The following SIPA1L2 variants were observed in gnomAD, a reference collection of about 807,000 sequenced individuals.
The protein encoded by SIPA1L2 is signal-induced proliferation-associated 1-like protein 2.
A neutral mutation model predicts 163.9 loss-of-function variants in SIPA1L2; 56 were observed. The observed-to-expected ratio is 0.34, with a 90% CI of 0.28 to 0.43. The LOEUF (loss-of-function observed/expected upper bound fraction) is 0.43. Among genes scored for constraint, SIPA1L2 ranks in the 20% least tolerant of loss-of-function variants. The pLI is 1.00. For missense variants in SIPA1L2, 1,974 were observed against 2,193.5 expected (o/e 0.90, Z 2.00); for synonymous variants, 877 against 865.7 (o/e 1.01, Z -0.23).
chr1:232,530,271 G>A (rs765210644), intron 2 of SIPA1L2, among the ~76,000 whole-genome samples: 2 of 151,900 alleles, frequency 1.3e-5, no homozygotes, highest in South Asian at 4.2e-4. Flanking sequence ...ACACCACCAC[G>A]CCCGGCTAAT....
intron 16 of SIPA1L2, 79 bp from the exon 17 acceptor site, chr1:232,428,643 G>T: frequency 1.7e-6 from 2 of 1,149,840 alleles, no homozygotes; most frequent in Non-Finnish European, 1.2e-6. Context: ...CTAGGAAGCA[G>T]TTTCAACAGC....
intron 10 of SIPA1L2, among the ~76,000 whole-genome samples, 184 bp from the exon 11 acceptor site, chr1:232,445,970 T>C (rs1663193811): frequency 6.6e-6 from 1 of 152,176 alleles, no homozygotes; most frequent in South Asian, 2.1e-4. Flanking sequence ...ATTCCCACAC[T>C]ATTCAATTCC....
chr1:232,549,820 GT>G (rs1276854867), intron 2 of SIPA1L2, among the ~76,000 whole-genome samples: 1 of 152,102 alleles, frequency 6.6e-6, no homozygotes, highest in African/African-American at 2.4e-5. Context: ...TTTTTGTTTT[GT>G]TTATGTTGCT....
intron 1 of SIPA1L2, among the ~76,000 whole-genome samples, chr1:232,584,176 C>CT (rs1660530443): frequency 6.6e-6 from 1 of 152,196 alleles, no homozygotes; most frequent in African/African-American, 2.4e-5. Flanking sequence ...ACAGACAGGC[C>CT]TTGCTGGGCT....
intron 2 of SIPA1L2, among the ~76,000 whole-genome samples, chr1:232,557,177 A>G (rs1426693397): frequency 1.3e-5 from 2 of 152,194 alleles, no homozygotes; most frequent in Admixed American, 6.5e-5. Context: ...TCTCATTGCT[A>G]TCACAAATTC....
chr1:232,437,781 C>T (rs1416075941), intron 15 of SIPA1L2, among the ~76,000 whole-genome samples: 3 of 152,162 alleles, frequency 2.0e-5, no homozygotes, highest in Non-Finnish European at 4.4e-5. Context: ...GGGCAGAAAC[C>T]TGTTTCTTCT....
At chr1:232,461,338 A>G (rs2148327) in intron 9 of SIPA1L2, among the ~76,000 whole-genome samples, 177 bp from the exon 10 acceptor site, 18,218 of 152,248 alleles carry the variant, frequency 0.12, 2,292 homozygotes, top group East Asian at 0.58. Context: ...GACACATTTA[A>G]GTTCAGAGCT....
chr1:232,403,969 C>A (rs912016353), intron 20 of SIPA1L2, among the ~76,000 whole-genome samples, 156 bp downstream of exon 20: 1 of 152,176 alleles, frequency 6.6e-6, no homozygotes, highest in Admixed American at 6.5e-5. Context: ...TCCCCAAACC[C>A]GGAGAAGGTT....
At chr1:232,430,825 G>A (rs542963812) in intron 16 of SIPA1L2, among the ~76,000 whole-genome samples, 1 of 152,306 alleles carries the variant, frequency 6.6e-6, no homozygotes, top group African/African-American at 2.4e-5. Context: ...GTATACCCAA[G>A]AGCATGTGTG....
chr1:232,413,853 A>G (rs1196900691), intron 19 of SIPA1L2, among the ~76,000 whole-genome samples: 1 of 152,170 alleles, frequency 6.6e-6, no homozygotes, highest in Non-Finnish European at 1.5e-5. Context: ...CTCCTGGGGC[A>G]GAAAGATCTG....
intron 19 of SIPA1L2, among the ~76,000 whole-genome samples, chr1:232,407,022 G>A (rs1394236589): frequency 6.6e-6 from 1 of 152,186 alleles, no homozygotes; most frequent in Non-Finnish European, 1.5e-5. Context: ...AGGCTGCACT[G>A]TACTGTTTTC....
At chr1:232,418,957 G>C (rs1382001052) in intron 18 of SIPA1L2, among the ~76,000 whole-genome samples, 1 of 152,180 alleles carries the variant, frequency 6.6e-6, no homozygotes, top group Non-Finnish European at 1.5e-5. Flanking sequence ...ACAGTGGGTA[G>C]GGCAGACAAG....
chr1:232,566,047 G>A lies in SIPA1L2; in HGVS notation c.-270+8127C>T, dbSNP rs139460954. ...GTTCTCAACCCTTCTTAGCTTTTAA[G>A]AATCACCTGGGGCAGTTTAGGAAAA... On this transcript the variant is annotated intron_variant, in intron 2 of 22. Coordinates refer to ENST00000674635, the MANE Select transcript of SIPA1L2 (RefSeq NM_020808.5). Among the ~76,000 whole-genome samples the A allele has an allele frequency of 4.0e-3, 615 of 152,312 alleles. 6 individuals carry two copies. The highest frequency in any genetic ancestry group is 6.3e-3 in the Non-Finnish European group (431 of 68,024).
intron 22 of SIPA1L2, 78 bp downstream of exon 22, chr1:232,402,314 T>C (rs1660390107): frequency 1.5e-6 from 2 of 1,328,822 alleles, no homozygotes; most frequent in South Asian, 2.7e-5. Flanking sequence ...CCTGAGTCTT[T>C]TCAATTTATC....
rs748797056 is a variant in SIPA1L2 at position 232,404,135 on chromosome 1, C to A, written c.4806G>T (p.Thr1602=). 9 of 1,614,024 alleles carry A rather than the reference C, an allele frequency of 5.6e-6. No individual in the cohort carries two copies. The highest frequency in any genetic ancestry group is 5.5e-5 in the South Asian group (5 of 91,082). Residue 1602 remains threonine (T), a synonymous_variant, in exon 20 of 23, where the codon ACG becomes ACT. Transcript: ENST00000674635. The part of the protein sequence containing the change: ...DEELGLLCHH[T]SYLDQRVASF... ...GCCCCAGACAATCACCTAGATAGGA[C>A]GTGTGGTGACAGAGCAGCCCCAGTT...
chr1:232,424,322 CAAAAAAAAAAAAAA>C (rs55961523), intron 18 of SIPA1L2, among the ~76,000 whole-genome samples: 26 of 71,776 alleles, frequency 3.6e-4, no homozygotes, highest in Middle Eastern at 0.01. Context: ...GTGAAGCTAA[CAAAAAAAAAAAAAA>C]AAAAAAAAAA....
intron 1 of SIPA1L2, among the ~76,000 whole-genome samples, chr1:232,615,690 A>T (rs866846958): frequency 6.6e-6 from 1 of 152,106 alleles, no homozygotes; most frequent in South Asian, 2.1e-4. Context: ...ATTTCTTTCG[A>T]AGTTATAGAA....
chr1:232,619,394 G>A (rs1182761566), intron 1 of SIPA1L2, among the ~76,000 whole-genome samples: 1 of 152,180 alleles, frequency 6.6e-6, no homozygotes, highest in African/African-American at 2.4e-5. Flanking sequence ...CTGACACATA[G>A]CCATCAACTC....
At chr1:232,545,946 T>A (rs1458263783) in intron 2 of SIPA1L2, among the ~76,000 whole-genome samples, 1 of 152,276 alleles carries the variant, frequency 6.6e-6, no homozygotes, top group Non-Finnish European at 1.5e-5. Context: ...ATGTAAATTA[T>A]GTACAGACCA....
Sources: allele counts gnomAD v4.1 joint callset (sites outside exome capture counted in the v4.1 genomes callset), GRCh38; gene constraint gnomAD v4.1.1; transcripts MANE v1.5; gene names NCBI Gene and HGNC (gene_info 2026-07-23, HGNC 2026-07-21).